Variants in CYP8B1 observed in about 807,000 individuals in gnomAD.
CYP8B1 encodes the protein cytochrome P450 family 8 subfamily B member 1, also known as 7-alpha-hydroxycholest-4-en-3-one 12-alpha-hydroxylase.
For missense variants in CYP8B1, 594 were observed against 643.7 expected (o/e 0.92, Z 0.84); for synonymous variants, 221 against 251.2 (o/e 0.88, Z 1.14).
chr3:42,875,102 T>G lies in CYP8B1; in HGVS notation c.715A>C (p.Met239Leu). Residue 239 changes from methionine to leucine, a missense_variant, in exon 1 of 1, where the codon ATG becomes CTG. Coordinates refer to ENST00000316161, the MANE Select transcript of CYP8B1 (RefSeq NM_004391.3). ...TCCTGGCTGTGGCTCACGGAGAGCATCTTGTGAAAGAGACGCTGGAGTCGG... is the reference window on the plus strand; with the variant it reads ...TCCTGGCTGTGGCTCACGGAGAGCAGCTTGTGAAAGAGACGCTGGAGTCGG... ...VGRLQRLFHK[M>L]LSVSHSQEKE... 1 of 1,613,602 alleles carries G rather than the reference T, an allele frequency of 6.2e-7. No individual in the cohort carries two copies. The highest frequency in any genetic ancestry group is 1.1e-5 in the South Asian group (1 of 91,066).
Position 42,875,305 on chromosome 3 carries a change from C to T in CYP8B1, c.512G>A (p.Arg171His), listed in dbSNP as rs185753180. 2.5e-4 allele frequency: 398 copies of T among 1,612,110 alleles called. 1 individual carries two copies. Among genetic ancestry groups the T allele is most frequent in the African/African-American group, 5.3e-5 (4 of 74,986 alleles). ...ASCWHEDSLF[R>H]FCYYILFTAG... ...TGTGAACAAGATGTAATAGCAGAAGCGAAAGAGGCTGTCCTCATGCCAGCA... is the reference window on the plus strand; with the variant it reads ...TGTGAACAAGATGTAATAGCAGAAGTGAAAGAGGCTGTCCTCATGCCAGCA... Residue 171 changes from arginine (R) to histidine (H), a missense_variant, in exon 1 of 1, where the codon CGC becomes CAC. By Grantham distance (29) the Arg-to-His change is conservative (BLOSUM62 0). Coordinates refer to ENST00000316161, the MANE Select transcript of CYP8B1 (RefSeq NM_004391.3).
At position 42,875,421 on chromosome 3, in the gene CYP8B1, C is replaced by T. The variant is rs545101769; in HGVS notation, c.396G>A (p.Arg132=). ...MIHSASTKHL[R]GDGLKDLNET... is the part of the protein sequence containing the mutation. ...CATTAAGATCCTTCAAGCCATCCCC[C>T]CTCAGATGCTTGGTGCTGGCTGAGT... Residue 132 remains arginine, a synonymous_variant, in exon 1 of 1, where the codon AGG becomes AGA. Transcript: ENST00000316161. 46 of 1,613,496 alleles carry T rather than the reference C, an allele frequency of 2.9e-5. No individual in the cohort carries two copies. The highest frequency in any genetic ancestry group is 3.7e-5 in the Non-Finnish European group (44 of 1,179,532).
rs1259230778 is a variant in CYP8B1, at chr3:42,874,827, T to A, written c.990A>T (p.Lys330Asn). 1 of 1,610,844 alleles carries A rather than the reference T, an allele frequency of 6.2e-7. No individual in the cohort carries two copies. Among genetic ancestry groups the A allele is most frequent in the East Asian group, 2.2e-5 (1 of 44,800 alleles). Residue 330 changes from lysine (K) to asparagine (N), a missense_variant, in exon 1 of 1, where the codon AAA (lysine) becomes AAT (asparagine). Physicochemically the swap from Lys to Asn is moderately conservative, Grantham distance 94. Coordinates refer to ENST00000316161, the MANE Select transcript of CYP8B1 (RefSeq NM_004391.3). ...RLETKQSFAFKLGALQHTPVL... is the reference protein window; with the variant it reads ...RLETKQSFAFNLGALQHTPVL... ...CTGGGGTGTGTTGCAGGGCACCGAG[T>A]TTGAAGGCAAAGGACTGCTTGGTCT...
Position 42,874,949 on chromosome 3 carries a change from T to C in CYP8B1, c.868A>G (p.Thr290Ala), listed in dbSNP as rs1234118939. The C allele has an allele frequency of 4.3e-6, 7 of 1,612,342 alleles. No homozygotes were observed. Among genetic ancestry groups the C allele is most frequent in the Non-Finnish European group, 5.9e-6 (7 of 1,179,054 alleles). ...AGGTACAAGAGGGCCCAGAAAGAGG[T>C]AGGCCCCGTGTTCCCCTGGGAGGCC... ...LWASQGNTGP[T>A]SFWALLYLLK... The change falls in exon 1 of 1, where the codon ACC (threonine) becomes GCC (alanine). Residue 290 changes from threonine (T) to alanine (A), a missense_variant. Coordinates refer to ENST00000316161, the MANE Select transcript of CYP8B1 (RefSeq NM_004391.3).
In CYP8B1 at chr3:42,875,166, G is replaced by A; in HGVS notation, c.651C>T (p.Val217=). Residue 217 remains valine, a synonymous_variant, in exon 1 of 1, where the codon GTC becomes GTT. Transcript: ENST00000316161. ...ACTCCCGGGGCCACAGCAGGGAGTAGACAAACCTTGGGAAAAGAAGGTCAA... is the reference window on the plus strand; with the variant it reads ...ACTCCCGGGGCCACAGCAGGGAGTAAACAAACCTTGGGAAAAGAAGGTCAA... ...RKFDLLFPRF[V]YSLLWPREWL... The A allele has an allele frequency of 6.2e-7, 1 of 1,604,798 alleles. No homozygotes were observed. Among genetic ancestry groups the A allele is most frequent in the Non-Finnish European group, 8.5e-7 (1 of 1,174,376 alleles).
Position 42,874,999 on chromosome 3 carries a change from T to G in CYP8B1, c.818A>C (p.Asp273Ala). 1 of 1,613,844 alleles carries G rather than the reference T, an allele frequency of 6.2e-7. No homozygotes were observed. Among genetic ancestry groups the G allele is most frequent in the Non-Finnish European group, 8.5e-7 (1 of 1,179,984 alleles). The change falls in exon 1 of 1, where the codon GAC becomes GCC. Residue 273 changes from aspartate to alanine, a missense_variant. Asp to Ala is a moderately radical substitution (Grantham distance 126). Transcript: ENST00000316161. ...REQGVPSAMQ[D>A]KFNFMMLWAS... ...CCAGAGCATCATGAAGTTGAACTTG[T>G]CCTGCATAGCTGAGGGTACCCCCTG...
chr3:42,875,173 C>T lies in CYP8B1; in HGVS notation c.644G>A (p.Arg215Lys), dbSNP rs889002584. 1 of 1,601,670 alleles carries T rather than the reference C, an allele frequency of 6.2e-7. No homozygotes were observed. Among genetic ancestry groups the T allele is most frequent in the Non-Finnish European group, 8.5e-7 (1 of 1,172,492 alleles). Residue 215 changes from arginine to lysine, a missense_variant, in exon 1 of 1, where the codon AGG becomes AAG. By Grantham distance (26) the Arg-to-Lys change is conservative (BLOSUM62 2). Coordinates refer to ENST00000316161, the MANE Select transcript of CYP8B1 (RefSeq NM_004391.3). ...GGGCCACAGCAGGGAGTAGACAAAC[C>T]TTGGGAAAAGAAGGTCAAACTTGCG... ...EFRKFDLLFP[R>K]FVYSLLWPRE... is the part of the protein sequence containing the mutation.
In CYP8B1 at chr3:42,875,537, G is replaced by C; in HGVS notation, c.280C>G (p.Gln94Glu). ...LSFGSILKDT[Q>E]RKLDFGQYAK... ...TATTGCCCAAAGTCTAGTTTTCTCTGTGTGTCCTTGAGGATGGAGCCAAAG... is the reference window on the plus strand; with the variant it reads ...TATTGCCCAAAGTCTAGTTTTCTCTCTGTGTCCTTGAGGATGGAGCCAAAG... The change falls in exon 1 of 1, where the codon CAG becomes GAG. Residue 94 changes from glutamine to glutamate, a missense_variant. Transcript: ENST00000316161. The C allele has an allele frequency of 6.5e-7, 1 of 1,533,786 alleles. No individual in the cohort carries two copies. The highest frequency in any genetic ancestry group is 8.8e-7 in the Non-Finnish European group (1 of 1,138,774).
rs775489298 is a variant in CYP8B1 at position 42,875,754 on chromosome 3, C to G, written c.63G>C (p.Leu21=). Residue 21 remains leucine, a synonymous_variant, in exon 1 of 1, where the codon CTG becomes CTC. Coordinates refer to ENST00000316161, the MANE Select transcript of CYP8B1 (RefSeq NM_004391.3). The part of the protein sequence containing the change: ...LLVVIAGYLC[L]PGMLRQRRPW... ...GCCTGCGTTGTCGGAGCATCCCTGG[C>G]AGGCACAGGTATCCAGCAATGACCA... The G allele has an allele frequency of 7.0e-7, 1 of 1,436,152 alleles. No homozygotes were observed. Among genetic ancestry groups the G allele is most frequent in the East Asian group, 2.6e-5 (1 of 39,126 alleles). 89.0% of individuals were successfully genotyped at this position (1,436,152 alleles called of 1,614,324 possible).
chr3:42,875,258 C>T lies in CYP8B1; in HGVS notation c.559G>A (p.Gly187Ser), dbSNP rs367884893. 2.8e-5 allele frequency: 44 copies of T among 1,595,786 alleles called. No individual in the cohort carries two copies. In the Admixed American group the frequency reaches 3.6e-4, roughly 13 times the overall value. The change falls in exon 1 of 1, where the codon GGC becomes AGC. Residue 187 changes from glycine (G) to serine (S), a missense_variant. Gly to Ser is a moderately conservative substitution (Grantham distance 56, BLOSUM62 0). Coordinates refer to ENST00000316161, the MANE Select transcript of CYP8B1 (RefSeq NM_004391.3). ...TCCTGCTCCTTGTCCTTCGTGTAGC[C>T]GAACAAGCTCAGGTAGCCAGCTGTG... Reference protein sequence around the residue: ...LFTAGYLSLFGYTKDKEQDLL... With the variant: ...LFTAGYLSLFSYTKDKEQDLL...
Position 42,875,346 on chromosome 3 carries a change from C to G in CYP8B1, c.471G>C (p.Trp157Cys), listed in dbSNP as rs754957207. ...LSFVMLTSKGWSLDASCWHED... is the reference protein window; with the variant it reads ...LSFVMLTSKGCSLDASCWHED... ...CATGCCAGCAACTGGCATCCAGACTCCAGCCTTTGGACGTCAGCATTACAA... is the reference window on the plus strand; with the variant it reads ...CATGCCAGCAACTGGCATCCAGACTGCAGCCTTTGGACGTCAGCATTACAA... The change falls in exon 1 of 1, where the codon TGG becomes TGC. Residue 157 changes from tryptophan (W) to cysteine (C), a missense_variant. Coordinates refer to ENST00000316161, the MANE Select transcript of CYP8B1 (RefSeq NM_004391.3). 1 of 1,614,090 alleles carries G rather than the reference C, an allele frequency of 6.2e-7. No homozygotes were observed. Among genetic ancestry groups the G allele is most frequent in the Middle Eastern group, 1.6e-4 (1 of 6,062 alleles).
In CYP8B1 at chr3:42,874,993, A is replaced by T. The variant is rs2088504946; in HGVS notation, c.824T>A (p.Phe275Tyr). The T allele has an allele frequency of 3.1e-6, 5 of 1,613,718 alleles. No individual in the cohort carries two copies. The Admixed American group carries it at 5.0e-5, about 16-fold the overall frequency. The change falls in exon 1 of 1, where the codon TTC becomes TAC. Residue 275 changes from phenylalanine to tyrosine, a missense_variant. Coordinates refer to ENST00000316161, the MANE Select transcript of CYP8B1 (RefSeq NM_004391.3). ...GGAGGCCCAGAGCATCATGAAGTTG[A>T]ACTTGTCCTGCATAGCTGAGGGTAC... ...QGVPSAMQDK[F>Y]NFMMLWASQG... is the part of the protein sequence containing the mutation.
At position 42,875,425 on chromosome 3, in the gene CYP8B1, A is replaced by G. The variant is rs769366924; in HGVS notation, c.392T>C (p.Leu131Pro). The change falls in exon 1 of 1, where the codon CTG (leucine) becomes CCG (proline). Residue 131 changes from leucine (L) to proline (P), a missense_variant. By Grantham distance (98) the Leu-to-Pro change is moderately conservative. Transcript: ENST00000316161. ...EMIHSASTKH[L>P]RGDGLKDLNE... ...AAGATCCTTCAAGCCATCCCCCCTCAGATGCTTGGTGCTGGCTGAGTGTAT... is the reference window on the plus strand; with the variant it reads ...AAGATCCTTCAAGCCATCCCCCCTCGGATGCTTGGTGCTGGCTGAGTGTAT... 1.8e-5 allele frequency: 29 copies of G among 1,613,158 alleles called. No homozygotes were observed. Among genetic ancestry groups the G allele is most frequent in the Non-Finnish European group, 2.3e-5 (27 of 1,179,406 alleles).
In CYP8B1 at chr3:42,875,796, C is replaced by A; in HGVS notation, c.21G>T (p.Val7=). 1 of 1,385,348 alleles carries A rather than the reference C, an allele frequency of 7.2e-7. No individual in the cohort carries two copies. Among genetic ancestry groups the A allele is most frequent in the Non-Finnish European group, 9.4e-7 (1 of 1,064,864 alleles). 85.8% of individuals were successfully genotyped at this position (1,385,348 alleles called of 1,614,324 possible). The part of the protein sequence containing the change: MVLWGP[V]LGALLVVIAG... ...CAATGACCACCAGCAGAGCTCCCAG[C>A]ACTGGACCCCAGAGAACCATGGCTA... The change falls in exon 1 of 1, where the codon GTG becomes GTT. Residue 7 remains valine (V), a synonymous_variant. Transcript: ENST00000316161.
rs755683876 is a variant in CYP8B1 at position 42,874,898 on chromosome 3, C to A, written c.919G>T (p.Ala307Ser). The A allele has an allele frequency of 2.5e-6, 4 of 1,599,232 alleles. No individual in the cohort carries two copies. The highest frequency in any genetic ancestry group is 3.4e-6 in the Non-Finnish European group (4 of 1,171,274). The change falls in exon 1 of 1, where the codon GCT becomes TCT. Residue 307 changes from alanine to serine, a missense_variant. Ala to Ser is a moderately conservative substitution (Grantham distance 99). Transcript: ENST00000316161. ...ACCTGGGTAGCTTCCTCCCTCACAG[C>A]CCGAATAGCTTCTGGGTGCTTCAGG... is the stretch of plus-strand genomic sequence containing the variant. ...YLLKHPEAIR[A>S]VREEATQVLG...
In CYP8B1 at chr3:42,874,008, A is replaced by G. The variant is rs2088493516; in HGVS notation, c.*303T>C. 1 of 407,524 alleles carries G rather than the reference A, an allele frequency of 2.5e-6. No homozygotes were observed. The highest frequency in any genetic ancestry group is 3.0e-5 in the South Asian group (1 of 33,396). The allele number at this position is 407,524 out of a possible 1,614,324, so 25.2% of individuals were successfully genotyped here. A position where few individuals can be genotyped will look rare whatever the true frequency, so the allele number is the denominator to read the frequency against. On this transcript the variant is annotated 3_prime_UTR_variant, in exon 1 of 1. Coordinates refer to ENST00000316161, the MANE Select transcript of CYP8B1 (RefSeq NM_004391.3). ...GGGGGAACCAGTCTCTGTACTCAGG[A>G]CTTCTCAAGGCAGGCATCATCTCCC...
rs760136558 is a variant in CYP8B1 at position 42,875,205 on chromosome 3, C to T, written c.612G>A (p.Met204Ile). The change falls in exon 1 of 1, where the codon ATG becomes ATA. Residue 204 changes from methionine (M) to isoleucine (I), a missense_variant. Met to Ile is a conservative substitution (Grantham distance 10, BLOSUM62 1). Transcript: ENST00000316161. ...AAAGAAGGTCAAACTTGCGGAACTC[C>T]ATGAATAACTCTCCTGCCTGTAGCA... ...QDLLQAGELF[M>I]EFRKFDLLFP... 7.5e-6 allele frequency: 12 copies of T among 1,591,144 alleles called. No homozygotes were observed. The highest frequency in any genetic ancestry group is 1.3e-5 in the African/African-American group (1 of 74,424).
Position 42,874,723 on chromosome 3 carries a change from G to T in CYP8B1, c.1094C>A (p.Thr365Asn), listed in dbSNP as rs2088501448. The change falls in exon 1 of 1, where the codon ACC becomes AAC. Residue 365 changes from threonine (T) to asparagine (N), a missense_variant. Thr to Asn is a moderately conservative substitution (Grantham distance 65, BLOSUM62 0). Transcript: ENST00000316161. ...CTCCTGCCCACTGGACATCTTCAGG[G>T]TATAGTCTTCATGAACCAACCTGAG... is the stretch of plus-strand genomic sequence containing the variant. The part of the protein sequence containing the change: ...TLLRLVHEDY[T>N]LKMSSGQEYL... The T allele has an allele frequency of 1.2e-6, 2 of 1,614,132 alleles. No individual in the cohort carries two copies. The highest frequency in any genetic ancestry group is 1.7e-6 in the Non-Finnish European group (2 of 1,180,022).
rs775891073 is a variant in CYP8B1 at position 42,874,395 on chromosome 3, A to C, written c.1422T>G (p.His474Gln). ...ELVDPDTPLP[H>Q]VDPQRWGFGT... ...CAAAACCCCAGCGCTGCGGGTCAAC[A>C]TGGGGTAGTGGTGTGTCAGGGTCCA... is the stretch of plus-strand genomic sequence containing the variant. The change falls in exon 1 of 1, where the codon CAT becomes CAG. Residue 474 changes from histidine (H) to glutamine (Q), a missense_variant. His to Gln is a conservative substitution (Grantham distance 24). Coordinates refer to ENST00000316161, the MANE Select transcript of CYP8B1 (RefSeq NM_004391.3). The C allele has an allele frequency of 6.2e-7, 1 of 1,614,094 alleles. No individual in the cohort carries two copies. The highest frequency in any genetic ancestry group is 8.5e-7 in the Non-Finnish European group (1 of 1,179,992).
Sources: gnomAD v4.1 joint callset for allele counts on GRCh38, gnomAD v4.1.1 for gene constraint, MANE v1.5 for transcripts, NCBI Gene and HGNC (gene_info 2026-07-23, HGNC 2026-07-21) for gene names.